The following NRG3 variants were observed in gnomAD, a reference collection of about 807,000 sequenced individuals.
NRG3 encodes neuregulin 3.
NRG3 carries 31 observed loss-of-function variants against 66.9 expected under a neutral mutation model. That is an observed-to-expected ratio of 0.46 (90% CI 0.35 to 0.63). NRG3 has a LOEUF of 0.63. Ranked by LOEUF, NRG3 falls within the 20% of genes least tolerant of loss-of-function variation. The pLI is 0.00. For missense variants in NRG3, 910 were observed against 878.9 expected (o/e 1.04, Z -0.45); for synonymous variants, 393 against 359.4 (o/e 1.09, Z -1.06).
intron 2 of NRG3, among the ~76,000 whole-genome samples, chr10:82,390,252 G>A (rs1038734984): frequency 3.3e-5 from 5 of 152,030 alleles, no homozygotes; most frequent in African/African-American, 4.8e-5. Context: ...TTTCTTTAAT[G>A]GCATTTCCCT....
intron 2 of NRG3, among the ~76,000 whole-genome samples, chr10:82,378,174 C>T (rs941572299): frequency 4.6e-5 from 7 of 152,114 alleles, no homozygotes; most frequent in African/African-American, 1.7e-4. Flanking sequence ...GGAGTTTCTA[C>T]CTAAATGTTA....
At chr10:82,983,342 A>AT (rs1258350347) in intron 8 of NRG3, among the ~76,000 whole-genome samples, 5 of 152,268 alleles carry the variant, frequency 3.3e-5, no homozygotes, top group Middle Eastern at 3.4e-3. Flanking sequence ...TTAGGCTCAT[A>AT]TTTTTAGCTC....
intron 3 of NRG3, among the ~76,000 whole-genome samples, chr10:82,843,068 T>G (rs915819041): frequency 6.6e-6 from 1 of 152,198 alleles, no homozygotes; most frequent in Non-Finnish European, 1.5e-5. Context: ...TGGACCATAA[T>G]TGACTATAGA....
At chr10:82,924,200 G>A (rs953108260) in intron 4 of NRG3, among the ~76,000 whole-genome samples, 4 of 152,026 alleles carry the variant, frequency 2.6e-5, no homozygotes, top group African/African-American at 9.7e-5. Flanking sequence ...GTCAAGGCAG[G>A]GACCTAGGTT....
At chr10:82,384,173 AT>A (rs1336816275) in intron 2 of NRG3, among the ~76,000 whole-genome samples, 1 of 151,832 alleles carries the variant, frequency 6.6e-6, no homozygotes, top group Non-Finnish European at 1.5e-5. Flanking sequence ...GAGTCATCTG[AT>A]TTTTTTCTCC....
chr10:82,839,073 A>T (rs1437127728), intron 3 of NRG3, among the ~76,000 whole-genome samples: 1 of 152,130 alleles, frequency 6.6e-6, no homozygotes, highest in Admixed American at 6.6e-5. Flanking sequence ...CTCCCACAAC[A>T]CGTGAGATTT....
intron 2 of NRG3, among the ~76,000 whole-genome samples, chr10:82,601,538 C>A (rs1380778452): frequency 1.3e-5 from 2 of 152,036 alleles, no homozygotes; most frequent in Non-Finnish European, 2.9e-5. Context: ...AAGTGTTCTC[C>A]AAAAGCTTTG....
At chr10:82,213,270 C>A (rs1426967016) in intron 1 of NRG3, among the ~76,000 whole-genome samples, 1 of 152,166 alleles carries the variant, frequency 6.6e-6, no homozygotes, top group Non-Finnish European at 1.5e-5. Context: ...CATCTGTAAT[C>A]TGAAAATCTA....
At chr10:82,409,576 A>T (rs1236417945) in intron 2 of NRG3, among the ~76,000 whole-genome samples, 1 of 152,260 alleles carries the variant, frequency 6.6e-6, no homozygotes, top group Non-Finnish European at 1.5e-5. Flanking sequence ...CTGGATGCTG[A>T]GTGGTCTGGA....
chr10:82,331,874 T>C (rs1395943809), intron 1 of NRG3, among the ~76,000 whole-genome samples: 1 of 152,220 alleles, frequency 6.6e-6, no homozygotes, highest in Non-Finnish European at 1.5e-5. Flanking sequence ...GAAATTATAA[T>C]GTTTCTGCAG....
chr10:82,779,461 C>A (rs1018833922), intron 3 of NRG3, among the ~76,000 whole-genome samples: 2 of 152,088 alleles, frequency 1.3e-5, no homozygotes, highest in African/African-American at 4.8e-5. Context: ...GTTGCTCTGA[C>A]CAAAATATAG....
chr10:82,239,218 A>G (rs1008272338), intron 1 of NRG3, among the ~76,000 whole-genome samples: 1 of 152,162 alleles, frequency 6.6e-6, no homozygotes, highest in Non-Finnish European at 1.5e-5. Flanking sequence ...ATATGCATAT[A>G]TACATGTATA....
At position 82,599,053 on chromosome 10, in the gene NRG3, A is replaced by G. The variant is rs540991713; in HGVS notation, c.954-139524A>G. 9.2e-5 allele frequency among the ~76,000 whole-genome samples: 14 copies of G among 152,250 alleles called. No individual in the cohort carries two copies. In the East Asian group the frequency reaches 2.3e-3, roughly 25 times the overall value. ...CAACAAAGGGAGACTCCATCTCAAA[A>G]AAGAAAAAAAAGAAGAAAGAAAATG... On this transcript the variant is annotated intron_variant, in intron 2 of 8. Coordinates refer to ENST00000372141, the MANE Select transcript of NRG3 (RefSeq NM_001010848.4).
chr10:81,972,761 A>G (rs1191182403), intron 1 of NRG3, among the ~76,000 whole-genome samples: 3 of 152,120 alleles, frequency 2.0e-5, no homozygotes, highest in Admixed American at 1.3e-4. Context: ...AAATGAATCA[A>G]TAACGGTTGA....
chr10:82,922,113 A>G (rs78066722), intron 4 of NRG3, among the ~76,000 whole-genome samples: 3 of 151,832 alleles, frequency 2.0e-5, no homozygotes, highest in Admixed American at 6.6e-5. Context: ...CCACCTCTCT[A>G]TATATATAGA....
intron 2 of NRG3, among the ~76,000 whole-genome samples, chr10:82,421,305 G>T (rs1201549207): frequency 6.6e-6 from 1 of 151,998 alleles, no homozygotes; most frequent in South Asian, 2.1e-4. Flanking sequence ...TGCAGAATTT[G>T]GGAAACATCT....
chr10:82,207,179 T>C (rs1358843791), intron 1 of NRG3, among the ~76,000 whole-genome samples: 1 of 152,204 alleles, frequency 6.6e-6, no homozygotes, highest in Non-Finnish European at 1.5e-5. Context: ...AGTGCAGTAC[T>C]ATTAGACAAT....
intron 2 of NRG3, among the ~76,000 whole-genome samples, chr10:82,664,258 C>G (rs1243478011): frequency 6.6e-6 from 1 of 152,128 alleles, no homozygotes; most frequent in Non-Finnish European, 1.5e-5. Flanking sequence ...TGTCATTACT[C>G]TCTGCACCAC....
intron 1 of NRG3, among the ~76,000 whole-genome samples, chr10:82,094,351 G>A (rs1240999300): frequency 6.6e-6 from 1 of 152,124 alleles, no homozygotes; most frequent in African/African-American, 2.4e-5. Context: ...AACAGATGCC[G>A]ATGAGCATGC....
Sources: allele counts gnomAD v4.1 joint callset (sites outside exome capture counted in the v4.1 genomes callset), GRCh38; gene constraint gnomAD v4.1.1; transcripts MANE v1.5; gene names NCBI Gene and HGNC (gene_info 2026-07-23, HGNC 2026-07-21).